Variants in CNTN5 observed in about 807,000 individuals in gnomAD.
The protein encoded by CNTN5 is contactin 5, also known as contactin-5.
In CNTN5, 77 loss-of-function variants were observed where a neutral mutation model predicts 129.1. That is an observed-to-expected ratio of 0.60 (90% CI 0.50 to 0.72). The LOEUF is 0.72. Ranked by LOEUF, CNTN5 falls within the 30% of genes least tolerant of loss-of-function variation. CNTN5 has a pLI of 0.00. For synonymous variants in CNTN5, 509 were observed against 465.6 expected (o/e 1.09, Z -1.20); for missense variants, 1,478 against 1,328.8 (o/e 1.11, Z -1.75).
intron 6 of CNTN5, among the ~76,000 whole-genome samples, chr11:99,907,698 G>A (rs1949546298): frequency 6.6e-6 from 1 of 151,728 alleles, no homozygotes; most frequent in Admixed American, 6.6e-5. Context: ...AGATATATAT[G>A]ACACATTTTC....
intron 13 of CNTN5, among the ~76,000 whole-genome samples, chr11:100,174,327 A>G (rs985169981): frequency 6.6e-6 from 1 of 152,128 alleles, no homozygotes; most frequent in Non-Finnish European, 1.5e-5. Flanking sequence ...TCTGAGCTTT[A>G]AAAAAGAAAT....
chr11:99,539,064 A>C (rs1470996595), intron 2 of CNTN5, among the ~76,000 whole-genome samples: 1 of 152,084 alleles, frequency 6.6e-6, no homozygotes, highest in South Asian at 2.1e-4. Context: ...CACGATACCT[A>C]CAATAAGAGA....
intron 6 of CNTN5, among the ~76,000 whole-genome samples, chr11:99,890,215 G>T (rs1591371546): frequency 6.6e-6 from 1 of 152,114 alleles, no homozygotes; most frequent in East Asian, 1.9e-4. Flanking sequence ...CACAGTGGTG[G>T]GATATGTCAA....
intron 17 of CNTN5, among the ~76,000 whole-genome samples, chr11:100,270,078 T>C (rs927220309): frequency 6.6e-6 from 1 of 152,172 alleles, no homozygotes; most frequent in Non-Finnish European, 1.5e-5. Flanking sequence ...TTTGTTTTTT[T>C]CCATGTCTTC....
At chr11:100,350,246 A>G (rs1356095593) in intron 23 of CNTN5, among the ~76,000 whole-genome samples, 6 of 151,750 alleles carry the variant, frequency 4.0e-5, no homozygotes, top group Non-Finnish European at 8.9e-5. Flanking sequence ...GGATATTTCA[A>G]TAACCAAGCA....
chr11:99,349,551 T>C (rs1938145753), intron 2 of CNTN5, among the ~76,000 whole-genome samples: 1 of 152,210 alleles, frequency 6.6e-6, no homozygotes, highest in Non-Finnish European at 1.5e-5. Context: ...TTATGATCTT[T>C]TAACCTTTAT....
At chr11:100,137,214 C>T (rs1356087947) in intron 13 of CNTN5, among the ~76,000 whole-genome samples, 2 of 151,860 alleles carry the variant, frequency 1.3e-5, no homozygotes, top group African/African-American at 4.8e-5. Flanking sequence ...TAGTGTTGCA[C>T]AAAATAAAAT....
At chr11:100,055,527 AC>A (rs1472761123) in intron 9 of CNTN5, among the ~76,000 whole-genome samples, 10 of 150,976 alleles carry the variant, frequency 6.6e-5, no homozygotes, top group Non-Finnish European at 1.5e-4. Context: ...CTCCTTTTTC[AC>A]TCCTAAAGAA....
chr11:99,304,999 A>T (rs1215828985), intron 1 of CNTN5, among the ~76,000 whole-genome samples: 2 of 152,198 alleles, frequency 1.3e-5, no homozygotes, highest in African/African-American at 4.8e-5. Context: ...GATATTTTAG[A>T]TATTACTTGA....
chr11:99,186,125 A>G (rs1311749005), intron 1 of CNTN5, among the ~76,000 whole-genome samples: 1 of 151,932 alleles, frequency 6.6e-6, no homozygotes, highest in African/African-American at 2.4e-5. Context: ...ATATAAAAAT[A>G]AAATCTAGTT....
intron 16 of CNTN5, among the ~76,000 whole-genome samples, chr11:100,242,500 G>T (rs1429645277): frequency 6.6e-6 from 1 of 152,114 alleles, no homozygotes. Flanking sequence ...AAGTATGGCT[G>T]AGGAGGCCTC....
chr11:100,117,188 A>T (rs1945870161), intron 13 of CNTN5, among the ~76,000 whole-genome samples: 1 of 152,012 alleles, frequency 6.6e-6, no homozygotes. Context: ...TTGTGTGTCT[A>T]TTAAAATCAC....
At chr11:99,705,951 A>T (rs1954737556) in intron 3 of CNTN5, among the ~76,000 whole-genome samples, 2 of 151,440 alleles carry the variant, frequency 1.3e-5, no homozygotes, top group South Asian at 4.1e-4. Context: ...GATAGCTCAG[A>T]CAAGCTGAAC....
intron 1 of CNTN5, among the ~76,000 whole-genome samples, chr11:99,035,726 T>G (rs994706382): frequency 2.0e-5 from 3 of 151,338 alleles, no homozygotes; most frequent in Non-Finnish European, 2.9e-5. Flanking sequence ...CTTTATCCAA[T>G]TTGCCAGTCT....
intron 1 of CNTN5, among the ~76,000 whole-genome samples, chr11:99,110,937 A>G (rs1857762078): frequency 6.6e-6 from 1 of 152,130 alleles, no homozygotes; most frequent in Non-Finnish European, 1.5e-5. Flanking sequence ...TAAGCCACTG[A>G]GATTATAGTT....
At chr11:99,634,903 A>ATATG in intron 3 of CNTN5, among the ~76,000 whole-genome samples, 1 of 152,340 alleles carries the variant, frequency 6.6e-6, no homozygotes, top group Admixed American at 6.5e-5. Flanking sequence ...TTGTCTAGCA[A>ATATG]GAGACAGATA....
intron 8 of CNTN5, among the ~76,000 whole-genome samples, chr11:99,996,996 C>A (rs1419233995): frequency 2.0e-5 from 3 of 152,124 alleles, no homozygotes; most frequent in African/African-American, 7.2e-5. Flanking sequence ...TATCATTCTA[C>A]CCCGACCCCT....
chr11:99,195,356 C>T (rs1858848251), intron 1 of CNTN5, among the ~76,000 whole-genome samples: 1 of 151,920 alleles, frequency 6.6e-6, no homozygotes, highest in African/African-American at 2.4e-5. Flanking sequence ...GTACAGATGC[C>T]CAGAACTGTG....
intron 9 of CNTN5, among the ~76,000 whole-genome samples, chr11:100,050,886 A>G (rs1252681947): frequency 6.6e-6 from 1 of 152,130 alleles, no homozygotes; most frequent in Non-Finnish European, 1.5e-5. Context: ...TTTCAAGAAG[A>G]CATTCAAATC....
Sources: gnomAD v4.1 joint callset for allele counts (sites outside exome capture counted in the v4.1 genomes callset) on GRCh38, gnomAD v4.1.1 for gene constraint, MANE v1.5 for transcripts, NCBI Gene and HGNC (gene_info 2026-07-23, HGNC 2026-07-21) for gene names.